The following CAMSAP1 variants were observed in gnomAD, a reference collection of about 807,000 sequenced individuals.
The protein encoded by CAMSAP1 is calmodulin regulated spectrin associated protein 1.
Under a neutral mutation model 143.5 loss-of-function variants are expected in CAMSAP1, and 58 were observed. The observed-to-expected ratio is 0.40, with a 90% CI of 0.33 to 0.50. The LOEUF (loss-of-function observed/expected upper bound fraction) is 0.50. CAMSAP1 is among the 20% of genes least tolerant of loss of function. The pLI, the probability that CAMSAP1 is intolerant of heterozygous loss-of-function variation, is 0.45. For missense variants in CAMSAP1, 1,969 were observed against 2,115.7 expected, an observed-to-expected ratio of 0.93 and a Z score of 1.36; for synonymous variants, 945 against 859.3, an observed-to-expected ratio of 1.10 and a Z score of -1.74.
chr9:135,822,013 A>G lies in CAMSAP1; in HGVS notation c.2648T>C (p.Met883Thr). 3 of 1,613,020 alleles carry G rather than the reference A, an allele frequency of 1.9e-6. No individual in the cohort carries two copies. Among genetic ancestry groups the G allele is most frequent in the East Asian group, 4.5e-5 (2 of 44,860 alleles). Residue 883 changes from methionine (M) to threonine (T), a missense_variant, in exon 11 of 17, where the codon ATG (methionine) becomes ACG (threonine). Around this residue, in one of 4 missense-constraint regions of CAMSAP1, gnomAD observed 1,390 missense variants for 1,420.8 expected, o/e 0.98. Coordinates refer to ENST00000389532, the MANE Select transcript of CAMSAP1 (RefSeq NM_015447.4). This position sits in a 1 kb window ranked among gnomAD's most constrained non-coding sequence, Gnocchi z 6.1. ...LLASELVQLH[M>T]QLEEKRRAIE... ...GGCCCTGCGCTTCTCCTCCAGCTGC[A>G]TGTGCAGCTGTACCAGCTCAGATGC...
At chr9:135,873,917 GA>G (rs1268196648) in intron 3 of CAMSAP1, among the ~76,000 whole-genome samples, 2 of 151,646 alleles carry the variant, frequency 1.3e-5, no homozygotes, top group East Asian at 1.9e-4. Flanking sequence ...TACATCATGA[GA>G]AAAAAAACTA....
At chr9:135,852,858 G>A (rs546513078) in intron 5 of CAMSAP1, among the ~76,000 whole-genome samples, 1 of 152,304 alleles carries the variant, frequency 6.6e-6, no homozygotes, top group Admixed American at 6.5e-5. Context: ...AATAAAGTAA[G>A]ATCCATGAGG....
chr9:135,865,198 A>G (rs771802653), intron 4 of CAMSAP1: 24 of 842,836 alleles, frequency 2.8e-5, no homozygotes, highest in East Asian at 5.3e-5. Context: ...GTACTATATA[A>G]ATAACTCCAA....
At chr9:135,905,776 G>GT (rs1198516255) in intron 1 of CAMSAP1, among the ~76,000 whole-genome samples, 3 of 152,244 alleles carry the variant, frequency 2.0e-5, no homozygotes, top group Admixed American at 1.3e-4. Context: ...TGTGAGGCAG[G>GT]TGAGCCCACG....
chr9:135,855,781 G>A (rs986253713), intron 5 of CAMSAP1, among the ~76,000 whole-genome samples: 16 of 149,552 alleles, frequency 1.1e-4, no homozygotes, highest in Admixed American at 6.6e-4. Flanking sequence ...GGCCGGGTGC[G>A]GTGGCTCACG....
chr9:135,816,134 G>T (rs1439340844), intron 14 of CAMSAP1, 129 bp from the exon 15 acceptor site: 7 of 751,158 alleles, frequency 9.3e-6, no homozygotes, highest in Non-Finnish European at 1.5e-5. Flanking sequence ...CGGTGACGGT[G>T]GGGGCTCGAG....
intron 7 of CAMSAP1, 74 bp downstream of exon 7, chr9:135,850,063 C>T: frequency 8.3e-7 from 1 of 1,207,804 alleles, no homozygotes; most frequent in South Asian, 1.4e-5. Flanking sequence ...AACATGGAAC[C>T]ACTGGAGAGT....
At chr9:135,825,529 G>A (rs2131670933) in intron 8 of CAMSAP1, among the ~76,000 whole-genome samples, 1 of 152,300 alleles carries the variant, frequency 6.6e-6, no homozygotes, top group East Asian at 1.9e-4. Context: ...GGGTGTGAAG[G>A]CCTCACTCCC....
At chr9:135,876,754 A>C (rs1837763714) in intron 3 of CAMSAP1, among the ~76,000 whole-genome samples, 1 of 152,212 alleles carries the variant, frequency 6.6e-6, no homozygotes, top group Non-Finnish European at 1.5e-5. Flanking sequence ...GACACCTGTA[A>C]TCCCAGCACT....
At position 135,818,959 on chromosome 9, in the gene CAMSAP1, G is replaced by A; in HGVS notation, c.3959+51C>T. ...CAGCAACGGGACCGGGGCCGCCAGG[G>A]ACCCACCAGGCTCCTGCTCAGTCTG... is the stretch of plus-strand genomic sequence containing the variant. On this transcript the variant is annotated intron_variant, in intron 12 of 16. Coordinates refer to ENST00000389532, the MANE Select transcript of CAMSAP1 (RefSeq NM_015447.4). The surrounding 1 kb of genome is among the most constrained non-coding windows in gnomAD (Gnocchi z 7.7). 1 of 1,589,734 alleles carries A rather than the reference G, an allele frequency of 6.3e-7. No homozygotes were observed. The highest frequency in any genetic ancestry group is 8.5e-7 in the Non-Finnish European group (1 of 1,174,528).
In CAMSAP1 at chr9:135,821,950, G is replaced by A; in HGVS notation, c.2711C>T (p.Ala904Val). 6.2e-7 allele frequency: 1 copy of A among 1,612,410 alleles called. No homozygotes were observed. The highest frequency in any genetic ancestry group is 8.5e-7 in the Non-Finnish European group (1 of 1,179,426). The change falls in exon 11 of 17, where the codon GCA (alanine) becomes GTA (valine). Residue 904 changes from alanine (A) to valine (V), a missense_variant. Ala to Val is a moderately conservative substitution (Grantham distance 64). This residue lies in a region of CAMSAP1 where 1,390 missense variants were observed against 1,420.8 expected (regional missense o/e 0.98). Coordinates refer to ENST00000389532, the MANE Select transcript of CAMSAP1 (RefSeq NM_015447.4). This position sits in a 1 kb window ranked among gnomAD's most constrained non-coding sequence, Gnocchi z 4.6. Reference protein sequence around the residue: ...AQKKKMEALSARQRLKLGKAA... With the variant: ...AQKKKMEALSVRQRLKLGKAA... ...CTTGCCGAGCTTCAGGCGCTGCCTTGCCGACAGCGCCTCCATCTTCTTCTT... is the reference window on the plus strand; with the variant it reads ...CTTGCCGAGCTTCAGGCGCTGCCTTACCGACAGCGCCTCCATCTTCTTCTT...
At chr9:135,864,703 T>G (rs1161027825) in intron 4 of CAMSAP1, among the ~76,000 whole-genome samples, 1 of 152,202 alleles carries the variant, frequency 6.6e-6, no homozygotes, top group Non-Finnish European at 1.5e-5. Context: ...TCTTTTTATG[T>G]GAAAATTCAC....
In CAMSAP1 at chr9:135,811,114, CGT is replaced by C; in HGVS notation, c.*193_*194del. ...TCCTCACCCTGCCTGGCATCCTCTGCGTGAGATGAGCGCTGAGAGAGGGGTTT... is the reference window on the plus strand; with the variant it reads ...TCCTCACCCTGCCTGGCATCCTCTGCGAGATGAGCGCTGAGAGAGGGGTTT... On this transcript the variant is annotated 3_prime_UTR_variant, in exon 17 of 17. Transcript: ENST00000389532. The surrounding 1 kb of genome is among the most constrained non-coding windows in gnomAD (Gnocchi z 4.9). The C allele has an allele frequency of 1.5e-6, 1 of 653,188 alleles. No homozygotes were observed. Among genetic ancestry groups the C allele is most frequent in the Non-Finnish European group, 2.6e-6 (1 of 387,540 alleles). The allele number at this position is 653,188 out of a possible 1,614,324, so 40.5% of individuals were successfully genotyped here.
chr9:135,844,335 C>G (rs1253598918), intron 7 of CAMSAP1, among the ~76,000 whole-genome samples: 1 of 152,192 alleles, frequency 6.6e-6, no homozygotes, highest in African/African-American at 2.4e-5. Flanking sequence ...ACTCAACAAC[C>G]TGCTCCTGAA....
chr9:135,839,871 G>A (rs1206167291), intron 7 of CAMSAP1, among the ~76,000 whole-genome samples: 1 of 151,930 alleles, frequency 6.6e-6, no homozygotes, highest in Non-Finnish European at 1.5e-5. Flanking sequence ...GAAAGCCTGG[G>A]CACAGTTAAC....
chr9:135,822,982 G>C lies in CAMSAP1; in HGVS notation c.1679C>G (p.Pro560Arg). The change falls in exon 11 of 17, where the codon CCC becomes CGC. Residue 560 changes from proline (P) to arginine (R), a missense_variant. By Grantham distance (103) the Pro-to-Arg change is moderately radical. Around this residue, in one of 4 missense-constraint regions of CAMSAP1, gnomAD observed 1,390 missense variants for 1,420.8 expected, o/e 0.98. Transcript: ENST00000389532. The surrounding 1 kb of genome is among the most constrained non-coding windows in gnomAD (Gnocchi z 6.1). The part of the protein sequence containing the change: ...VVPQQADPEF[P>R]RASPRALGLT... ...GCCTAAGGCCCGGGGTGAGGCCCTG[G>C]GGAACTCCGGGTCAGCCTGCTGGGG... 1 of 1,613,986 alleles carries C rather than the reference G, an allele frequency of 6.2e-7. No homozygotes were observed. Among genetic ancestry groups the C allele is most frequent in the Non-Finnish European group, 8.5e-7 (1 of 1,179,900 alleles).
intron 1 of CAMSAP1, among the ~76,000 whole-genome samples, chr9:135,900,982 G>A (rs573075815): frequency 6.6e-6 from 1 of 152,198 alleles, no homozygotes; most frequent in African/African-American, 2.4e-5. Context: ...TCAAACTCCC[G>A]ACCTCAGGTG....
chr9:135,895,662 T>C (rs1019478896), intron 1 of CAMSAP1, among the ~76,000 whole-genome samples: 1 of 152,182 alleles, frequency 6.6e-6, no homozygotes, highest in African/African-American at 2.4e-5. Context: ...TACAACAGAC[T>C]ACCCTCCTTA....
At chr9:135,864,731 C>T (rs938076489) in intron 4 of CAMSAP1, among the ~76,000 whole-genome samples, 2 of 152,208 alleles carry the variant, frequency 1.3e-5, no homozygotes, top group African/African-American at 4.8e-5. Context: ...TCCAGAAAGC[C>T]TGTGGCCAGG....
Sources: allele counts gnomAD v4.1 joint callset (sites outside exome capture counted in the v4.1 genomes callset), GRCh38; gene constraint gnomAD v4.1.1; regional missense constraint gnomAD v4.1.1; non-coding constraint Gnocchi (gnomAD v3.1); transcripts MANE v1.5; gene names NCBI Gene and HGNC (gene_info 2026-07-23, HGNC 2026-07-21).